Variants in GABPB1 observed in about 807,000 individuals in gnomAD.
GABPB1 encodes GA binding protein transcription factor subunit beta 1.
GABPB1 carries 15 observed loss-of-function variants against 45.9 expected under a neutral mutation model. The observed-to-expected ratio is 0.33, with a 90% CI of 0.22 to 0.50. The LOEUF (loss-of-function observed/expected upper bound fraction) is 0.50. Among genes scored for constraint, GABPB1 ranks in the 20% least tolerant of loss-of-function variants. The probability of loss-of-function intolerance (pLI) is 0.98; values close to 1 mark genes in which losing one functional copy is unlikely to be tolerated. For missense variants in GABPB1, 252 were observed against 457.5 expected, an observed-to-expected ratio of 0.55 and a Z score of 4.10; for synonymous variants, 143 against 154.4, an observed-to-expected ratio of 0.93 and a Z score of 0.55.
At chr15:50,317,479 CT>C (rs2047379904) in intron 1 of GABPB1, among the ~76,000 whole-genome samples, 1 of 150,728 alleles carries the variant, frequency 6.6e-6, no homozygotes, top group Non-Finnish European at 1.5e-5. Flanking sequence ...TGAATTTTCC[CT>C]TTTTTCTACT....
At chr15:50,279,889 T>C (rs1394978245) in intron 8 of GABPB1, among the ~76,000 whole-genome samples, 1 of 152,160 alleles carries the variant, frequency 6.6e-6, no homozygotes, top group Non-Finnish European at 1.5e-5. Context: ...TGAGATTCTC[T>C]TTCTATATAT....
At chr15:50,323,156 AAC>A (rs1232903882) in intron 1 of GABPB1, among the ~76,000 whole-genome samples, 3 of 152,248 alleles carry the variant, frequency 2.0e-5, no homozygotes, top group African/African-American at 7.2e-5. Context: ...AGGTCACTTG[AAC>A]CTAGGAGTTT....
Position 50,286,197 on chromosome 15 carries a change from A to C in GABPB1, c.884-14T>G, listed in dbSNP as rs542421149. ...GTACTGTTAATACTAAAATGAAAAAAAAATTATGTATTACTTCATTTTCAG... is the reference window on the plus strand; with the variant it reads ...GTACTGTTAATACTAAAATGAAAAACAAATTATGTATTACTTCATTTTCAG... On this transcript the variant is annotated splice_polypyrimidine_tract_variant and intron_variant, in intron 7 of 8. Transcript: ENST00000380877. 2.0e-6 allele frequency: 3 copies of C among 1,486,754 alleles called. No individual in the cohort carries two copies. Among genetic ancestry groups the C allele is most frequent in the African/African-American group, 1.4e-5 (1 of 70,156 alleles). The allele number at this position is 1,486,754 out of a possible 1,614,324, so 92.1% of individuals were successfully genotyped here.
intron 1 of GABPB1, among the ~76,000 whole-genome samples, chr15:50,334,598 C>T (rs2048056364): frequency 7.2e-6 from 1 of 139,588 alleles, no homozygotes. Flanking sequence ...ACTTTGACTT[C>T]CTGGACTCAA....
chr15:50,324,701 C>T (rs747470545), intron 1 of GABPB1, among the ~76,000 whole-genome samples: 5 of 151,924 alleles, frequency 3.3e-5, no homozygotes, highest in African/African-American at 4.8e-5. Context: ...CATGCCACCA[C>T]GCCCAGCTAA....
chr15:50,328,871 C>A (rs1410777769), intron 1 of GABPB1, among the ~76,000 whole-genome samples: 1 of 152,162 alleles, frequency 6.6e-6, no homozygotes, highest in African/African-American at 2.4e-5. Context: ...ATGGTGCCCA[C>A]TCAAAAGGCA....
chr15:50,312,608 C>T (rs2047171429), intron 1 of GABPB1, among the ~76,000 whole-genome samples: 1 of 152,194 alleles, frequency 6.6e-6, no homozygotes, highest in East Asian at 1.9e-4. Context: ...GACCTCTCTC[C>T]TACAGAAGTA....
Position 50,276,792 on chromosome 15 carries a change from C to T in GABPB1, c.*1840G>A, listed in dbSNP as rs1464469505. 2 of 152,252 alleles carry T rather than the reference C, an allele frequency of 1.3e-5. No individual in the cohort carries two copies. The highest frequency in any genetic ancestry group is 2.4e-5 in the African/African-American group (1 of 41,464). 9.4% of individuals were successfully genotyped at this position (152,252 alleles called of 1,614,324 possible). A position where few individuals can be genotyped will look rare whatever the true frequency, so the allele number is the denominator to read the frequency against. On this transcript the variant is annotated 3_prime_UTR_variant, in exon 9 of 9. Transcript: ENST00000380877. ...TCAGGGTACCTGGCTGTGGTACCAGCACCCTGCCTAACATGACAAATTAAT... is the reference window on the plus strand; with the variant it reads ...TCAGGGTACCTGGCTGTGGTACCAGTACCCTGCCTAACATGACAAATTAAT...
At position 50,342,855 on chromosome 15, in the gene GABPB1, G is replaced by C. The variant is rs112083081; in HGVS notation, c.-1+12130C>G. Among the ~76,000 whole-genome samples the C allele has an allele frequency of 8.3e-3, 1,265 of 152,270 alleles. 6 individuals are homozygous for C. The highest frequency in any genetic ancestry group is 0.019 in the South Asian group (92 of 4,830). On this transcript the variant is annotated intron_variant, in intron 1 of 8. Coordinates refer to ENST00000380877, the MANE Select transcript of GABPB1 (RefSeq NM_016654.5). ...AGGTTTATATTAACAAGTTGTAGTA[G>C]TCAAAGAAGGCCTCTTCAATGAAGG... is the stretch of plus-strand genomic sequence containing the variant.
rs2046794628 is a variant in GABPB1 at position 50,302,617 on chromosome 15, CT to C, written c.471+311del. 4.9e-5 allele frequency among the ~76,000 whole-genome samples: 6 copies of C among 121,464 alleles called. No homozygotes were observed. In the South Asian group the frequency reaches 1.6e-3, roughly 32 times the overall value. The allele number at this position is 121,464 out of a possible 152,430, so 79.7% of individuals were successfully genotyped here. A position where few individuals can be genotyped will look rare whatever the true frequency, so the allele number is the denominator to read the frequency against. ...CAAGATCGTGCCACTACACTCCAGC[CT>C]GGGGGACAGATCAAGACTCTGGCTC... is the stretch of plus-strand genomic sequence containing the variant. On this transcript the variant is annotated intron_variant, in intron 4 of 8. Coordinates refer to ENST00000380877, the MANE Select transcript of GABPB1 (RefSeq NM_016654.5).
chr15:50,292,762 G>A (rs1369504854), intron 6 of GABPB1, among the ~76,000 whole-genome samples: 1 of 152,024 alleles, frequency 6.6e-6, no homozygotes, highest in Non-Finnish European at 1.5e-5. Context: ...CCTTATTCTT[G>A]AGAGATACAT....
chr15:50,353,879 TG>T (rs2048963599), intron 1 of GABPB1: 1 of 153,330 alleles, frequency 6.5e-6, no homozygotes, highest in Non-Finnish European at 1.5e-5. Flanking sequence ...GTAACTTGCC[TG>T]AATTGAGAGA....
intron 1 of GABPB1, among the ~76,000 whole-genome samples, chr15:50,335,207 T>A (rs2048077487): frequency 6.6e-6 from 1 of 152,210 alleles, no homozygotes; most frequent in Non-Finnish European, 1.5e-5. Flanking sequence ...CAACACAACT[T>A]GTCTTGAAAT....
In GABPB1 at chr15:50,302,985, T is replaced by A; in HGVS notation, c.415A>T (p.Thr139Ser). ...DVHTQSKFCK[T>S]AFDISIDNGN... ...TTGTCTATTGAAATATCAAATGCAG[T>A]TTTACAAAATTTACTTTGCGTGTGT... is the stretch of plus-strand genomic sequence containing the variant. Residue 139 changes from threonine to serine, a missense_variant, in exon 4 of 9, where the codon ACT becomes TCT. Physicochemically the swap from Thr to Ser is moderately conservative, Grantham distance 58. This residue lies in a region of GABPB1 where 193 missense variants were observed against 259.9 expected (regional missense o/e 0.74). Coordinates refer to ENST00000380877, the MANE Select transcript of GABPB1 (RefSeq NM_016654.5). 6.2e-7 allele frequency: 1 copy of A among 1,613,680 alleles called. No individual in the cohort carries two copies. Among genetic ancestry groups the A allele is most frequent in the Non-Finnish European group, 8.5e-7 (1 of 1,179,762 alleles).
At chr15:50,325,942 C>T (rs2047745029) in intron 1 of GABPB1, among the ~76,000 whole-genome samples, 1 of 150,428 alleles carries the variant, frequency 6.6e-6, no homozygotes, top group South Asian at 2.1e-4. Flanking sequence ...GAGTCTGGCT[C>T]TGTCGCCCAG....
chr15:50,318,258 G>A (rs969660292), intron 1 of GABPB1, among the ~76,000 whole-genome samples: 1 of 152,136 alleles, frequency 6.6e-6, no homozygotes, highest in African/African-American at 2.4e-5. Flanking sequence ...GTTCTAAGTT[G>A]AAGAACACTA....
intron 1 of GABPB1, among the ~76,000 whole-genome samples, chr15:50,332,017 G>A (rs2047965851): frequency 6.6e-6 from 1 of 151,978 alleles, no homozygotes; most frequent in Non-Finnish European, 1.5e-5. Context: ...TGGGATTACA[G>A]GCATGCACCA....
intron 1 of GABPB1, among the ~76,000 whole-genome samples, chr15:50,333,155 T>C (rs1212763823): frequency 2.0e-5 from 3 of 152,176 alleles, no homozygotes; most frequent in African/African-American, 7.2e-5. Context: ...GACTACAATA[T>C]TGGACAGCAC....
chr15:50,329,496 CAATAAAATG>C (rs1040415869), intron 1 of GABPB1, among the ~76,000 whole-genome samples: 11 of 152,190 alleles, frequency 7.2e-5, no homozygotes, highest in African/African-American at 2.6e-4. Context: ...TTACAACTAG[CAATAAAATG>C]AATAAAGGTG....
Sources: allele counts gnomAD v4.1 joint callset (sites outside exome capture counted in the v4.1 genomes callset), GRCh38; gene constraint gnomAD v4.1.1; regional missense constraint gnomAD v4.1.1; transcripts MANE v1.5; gene names NCBI Gene and HGNC (gene_info 2026-07-23, HGNC 2026-07-21).